Variants in PCDHA2 observed in about 807,000 individuals in gnomAD.
PCDHA2 encodes the protein protocadherin alpha 2.
A neutral mutation model predicts 66.0 loss-of-function variants in PCDHA2; 58 were observed. The observed-to-expected ratio is 0.88, with a 90% CI of 0.71 to 1.09. The LOEUF (loss-of-function observed/expected upper bound fraction) is 1.09. PCDHA2 is among the 50% of genes least tolerant of loss of function. The pLI, the probability that PCDHA2 is intolerant of heterozygous loss-of-function variation, is 0.00. For missense variants in PCDHA2, 1,267 were observed against 1,242.3 expected (o/e 1.02, Z -0.30); for synonymous variants, 634 against 554.0 (o/e 1.14, Z -2.03).
rs782512919 is a variant in PCDHA2, at chr5:140,796,094, G to C, written c.1130G>C (p.Arg377Pro). ...ATTGCTCTCATCACGGTGTCGGATC[G>C]CGACTCTGGTACGAATGGACATGTC... The part of the protein sequence containing the change: ...TVIALITVSD[R>P]DSGTNGHVTC... The change falls in exon 1 of 4, where the codon CGC (arginine) becomes CCC (proline). Residue 377 changes from arginine (R) to proline (P), a missense_variant. Physicochemically the swap from Arg to Pro is moderately radical, Grantham distance 103. Coordinates refer to ENST00000526136, the MANE Select transcript of PCDHA2 (RefSeq NM_018905.3). 19 of 1,614,040 alleles carry C rather than the reference G, an allele frequency of 1.2e-5. No homozygotes were observed. Among genetic ancestry groups the C allele is most frequent in the Non-Finnish European group, 1.6e-5 (19 of 1,180,050 alleles).
intron 1 of PCDHA2, among the ~76,000 whole-genome samples, chr5:140,941,214 CCTTT>C (rs60032403): frequency 6.5e-5 from 8 of 122,492 alleles, no homozygotes; most frequent in Non-Finnish European, 1.2e-4. Context: ...TTTCTTTCTT[CCTTT>C]CTTTCTTTCT....
intron 1 of PCDHA2, chr5:140,841,263 GT>G (rs1777118084): frequency 6.6e-7 from 1 of 1,521,614 alleles, no homozygotes; most frequent in African/African-American, 1.4e-5. Flanking sequence ...GACTCTGAAA[GT>G]ACAGTCGTTC....
At chr5:140,983,470 A>G (rs782117929) in intron 3 of PCDHA2, among the ~76,000 whole-genome samples, 16 of 152,224 alleles carry the variant, frequency 1.1e-4, no homozygotes, top group Non-Finnish European at 1.5e-4. Context: ...CATCATGATG[A>G]TAATAGTAGT....
In PCDHA2 at chr5:141,009,951, A is replaced by G. The variant is rs2303646; in HGVS notation, c.*14A>G. On this transcript the variant is annotated 3_prime_UTR_variant, in exon 4 of 4. Coordinates refer to ENST00000526136, the MANE Select transcript of PCDHA2 (RefSeq NM_018905.3). ...AGTGACCAGTGAGGTCCTCAAATGGAAACAAGCCACTTAGCCAGTTTTTGT... is the reference window on the plus strand; with the variant it reads ...AGTGACCAGTGAGGTCCTCAAATGGGAACAAGCCACTTAGCCAGTTTTTGT... 5,767 of 1,593,458 alleles carry G rather than the reference A, an allele frequency of 3.6e-3. 231 individuals are homozygous for G. In the East Asian group the frequency reaches 0.095, roughly 26 times the overall value.
rs782581026 is a variant in PCDHA2, at chr5:140,795,352, C to A, written c.388C>A (p.Pro130Thr). The A allele has an allele frequency of 7.4e-6, 12 of 1,614,144 alleles. No homozygotes were observed. In the South Asian group the frequency reaches 1.2e-4, roughly 16 times the overall value. Residue 130 changes from proline (P) to threonine (T), a missense_variant, in exon 1 of 4, where the codon CCG (proline) becomes ACG (threonine). By Grantham distance (38) the Pro-to-Thr change is conservative. Transcript: ENST00000526136. ...EVEVKDINDN[P>T]PIFPMTVKTI... ...GGAGGTGAAGGACATTAACGACAAC[C>A]CGCCAATATTTCCAATGACAGTAAA...
In PCDHA2 at chr5:141,000,775, C is replaced by T. The variant is rs919489031; in HGVS notation, c.2537-8852C>T. 3.3e-5 allele frequency among the ~76,000 whole-genome samples: 5 copies of T among 151,752 alleles called. No homozygotes were observed. In the East Asian group the frequency reaches 5.8e-4, roughly 18 times the overall value. On this transcript the variant is annotated intron_variant, in intron 3 of 3. Transcript: ENST00000526136. ...AAAAAATCTTAGCCAGGCATAGTGG[C>T]GCACACCTGTATTCCTAGCTACTCA...
At chr5:140,987,007 A>T (rs2097221901) in intron 3 of PCDHA2, among the ~76,000 whole-genome samples, 1 of 152,144 alleles carries the variant, frequency 6.6e-6, no homozygotes, top group Non-Finnish European at 1.5e-5. Context: ...TGAGGTCATG[A>T]GTTCGAGACC....
At chr5:140,849,170 C>T in intron 1 of PCDHA2, 2 of 1,111,514 alleles carry the variant, frequency 1.8e-6, no homozygotes, top group East Asian at 2.6e-5. Context: ...TGACTGGCAC[C>T]GTTCAATTAC....
chr5:140,892,310 A>T (rs1346325979), intron 1 of PCDHA2, among the ~76,000 whole-genome samples: 1 of 152,230 alleles, frequency 6.6e-6, no homozygotes, highest in African/African-American at 2.4e-5. Flanking sequence ...TTTGGGGCTT[A>T]TAACATTTTC....
intron 1 of PCDHA2, among the ~76,000 whole-genome samples, chr5:140,896,002 G>A (rs1485647299): frequency 1.3e-5 from 2 of 152,082 alleles, no homozygotes; most frequent in Non-Finnish European, 2.9e-5. Flanking sequence ...GTAGAGACAG[G>A]GTTTCTCCAT....
intron 1 of PCDHA2, among the ~76,000 whole-genome samples, chr5:140,940,564 T>C (rs1481591678): frequency 2.0e-5 from 3 of 152,228 alleles, no homozygotes; most frequent in Non-Finnish European, 4.4e-5. Flanking sequence ...TTCTCCTACC[T>C]TGGCTCCCAA....
At chr5:140,842,201 A>G (rs2150331632) in intron 1 of PCDHA2, 2 of 1,613,740 alleles carry the variant, frequency 1.2e-6, no homozygotes, top group East Asian at 2.2e-5. Context: ...TGACCACTTT[A>G]GCATAGATCG....
intron 1 of PCDHA2, chr5:140,884,171 C>A: frequency 6.2e-7 from 1 of 1,613,414 alleles, no homozygotes; most frequent in Non-Finnish European, 8.5e-7. Flanking sequence ...CAGCACGACG[C>A]GCCCTCTGGA....
At chr5:140,884,318 G>A (rs1345534362) in intron 1 of PCDHA2, 1 of 1,613,692 alleles carries the variant, frequency 6.2e-7, no homozygotes, top group Non-Finnish European at 8.5e-7. Flanking sequence ...GAGGGCGTCG[G>A]CAGGCGCTGT....
At chr5:140,870,909 C>T (rs2052531275) in intron 1 of PCDHA2, 1 of 1,613,956 alleles carries the variant, frequency 6.2e-7, no homozygotes, top group East Asian at 2.2e-5. Flanking sequence ...ACTCAGGCTA[C>T]AACGCGTGGC....
intron 1 of PCDHA2, chr5:140,829,768 C>G: frequency 1.9e-6 from 3 of 1,613,766 alleles, no homozygotes; most frequent in Non-Finnish European, 2.5e-6. Flanking sequence ...TGGACGAGAA[C>G]GACAACGCGC....
intron 1 of PCDHA2, among the ~76,000 whole-genome samples, chr5:140,938,299 A>T (rs995168721): frequency 1.3e-5 from 2 of 152,192 alleles, no homozygotes; most frequent in Admixed American, 6.5e-5. Flanking sequence ...TTGCCTATGA[A>T]ATTCAGTATA....
intron 1 of PCDHA2, among the ~76,000 whole-genome samples, chr5:140,938,406 T>C (rs1283027205): frequency 6.6e-6 from 1 of 152,240 alleles, no homozygotes; most frequent in African/African-American, 2.4e-5. Flanking sequence ...ATTGTTTGAT[T>C]GGGTTTATTT....
chr5:140,808,720 T>A, intron 1 of PCDHA2: 1 of 1,612,064 alleles, frequency 6.2e-7, no homozygotes, highest in South Asian at 1.1e-5. Context: ...TTTCGGTGCA[T>A]GCGGAGAGCG....
Sources: allele counts gnomAD v4.1 joint callset (sites outside exome capture counted in the v4.1 genomes callset), GRCh38; gene constraint gnomAD v4.1.1; transcripts MANE v1.5; gene names NCBI Gene and HGNC (gene_info 2026-07-23, HGNC 2026-07-21).